Variants in SNTG1 observed in about 807,000 individuals in gnomAD.
SNTG1 encodes the protein gamma-1-syntrophin.
A neutral mutation model predicts 74.7 loss-of-function variants in SNTG1; 39 were observed. The ratio of observed to expected loss-of-function variants is 0.52; its 90% CI spans 0.40 to 0.68. SNTG1 has a LOEUF of 0.68. Ranked by LOEUF, SNTG1 falls within the 30% of genes least tolerant of loss-of-function variation. SNTG1 has a pLI of 0.00. For synonymous variants in SNTG1, 254 were observed against 217.1 expected (o/e 1.17, Z -1.49); for missense variants, 685 against 609.5 (o/e 1.12, Z -1.30).
At chr8:50,733,258 G>C (rs190053439) in intron 17 of SNTG1, among the ~76,000 whole-genome samples, 11 of 152,096 alleles carry the variant, frequency 7.2e-5, no homozygotes, top group African/African-American at 2.6e-4. Context: ...CAAAGGGAAA[G>C]ATTTTATTCT....
chr8:50,559,514 A>T (rs764454089), intron 12 of SNTG1, among the ~76,000 whole-genome samples: 5 of 152,192 alleles, frequency 3.3e-5, no homozygotes, highest in Admixed American at 6.5e-5. Context: ...TAAGATGATG[A>T]TTTATATCCA....
chr8:50,313,782 G>C (rs886151102), intron 2 of SNTG1, among the ~76,000 whole-genome samples: 1 of 149,736 alleles, frequency 6.7e-6, no homozygotes, highest in African/African-American at 2.5e-5. Flanking sequence ...ACAATGTAAA[G>C]AATTGACAGT....
In SNTG1 at chr8:50,598,656, T is replaced by A. The variant is rs184544521; in HGVS notation, c.849+7739T>A. Among the ~76,000 whole-genome samples, 45 of 152,166 alleles carry A rather than the reference T, an allele frequency of 3.0e-4. 1 individual carries two copies. The East Asian group carries it at 7.5e-3, about 25-fold the overall frequency. ...ATAAGGATTTCATTAAATATGTAGA[T>A]GGCTTTGGTTAATATTGACATTTTA... On this transcript the variant is annotated intron_variant, in intron 13 of 18. Transcript: ENST00000642720.
intron 2 of SNTG1, among the ~76,000 whole-genome samples, chr8:50,341,242 A>G (rs528956252): frequency 2.0e-4 from 30 of 152,064 alleles, no homozygotes; most frequent in African/African-American, 7.0e-4. Context: ...TGGAACATTG[A>G]TACATAGTCA....
chr8:49,930,961 A>G (rs188010193), intron 1 of SNTG1, among the ~76,000 whole-genome samples: 55 of 152,344 alleles, frequency 3.6e-4, no homozygotes, highest in African/African-American at 1.2e-3. Context: ...ATGTCACACA[A>G]CAATTAAGAA....
intron 2 of SNTG1, among the ~76,000 whole-genome samples, chr8:50,330,799 G>C (rs1283683453): frequency 6.6e-6 from 1 of 152,088 alleles, no homozygotes; most frequent in African/African-American, 2.4e-5. Context: ...ATGTGGGGAG[G>C]AGGAACTGAC....
intron 13 of SNTG1, among the ~76,000 whole-genome samples, chr8:50,622,118 T>C (rs991639216): frequency 6.6e-6 from 1 of 152,178 alleles, no homozygotes; most frequent in Non-Finnish European, 1.5e-5. Context: ...CCCCAATCTC[T>C]CTGCTTACCC....
At chr8:50,392,549 T>A (rs1007244862) in intron 2 of SNTG1, among the ~76,000 whole-genome samples, 1 of 152,198 alleles carries the variant, frequency 6.6e-6, no homozygotes, top group African/African-American at 2.4e-5. Context: ...GATGTGAAGC[T>A]TTAGCAAGAG....
chr8:50,708,467 G>T (rs2095451536), intron 16 of SNTG1: 1 of 159,894 alleles, frequency 6.3e-6, no homozygotes, highest in Non-Finnish European at 1.4e-5. Flanking sequence ...GATATCCTGA[G>T]AATTCAAGAC....
intron 15 of SNTG1, among the ~76,000 whole-genome samples, chr8:50,701,749 T>TTCG (rs1315895622): frequency 8.4e-6 from 1 of 119,274 alleles, no homozygotes; most frequent in African/African-American, 4.3e-5. Flanking sequence ...TTTCTTCTCC[T>TTCG]TCTTCTCCTT....
intron 4 of SNTG1, among the ~76,000 whole-genome samples, chr8:50,423,269 T>C: frequency 6.6e-6 from 1 of 152,210 alleles, no homozygotes; most frequent in Admixed American, 6.5e-5. Flanking sequence ...TAAATCAGTT[T>C]GTTCTCTGTT....
chr8:50,362,960 C>A (rs1473323734), intron 2 of SNTG1, among the ~76,000 whole-genome samples: 2 of 152,030 alleles, frequency 1.3e-5, no homozygotes, highest in Non-Finnish European at 2.9e-5. Flanking sequence ...AGATGATTGC[C>A]CTGTGGGAAG....
chr8:50,299,786 A>G (rs970181129), intron 2 of SNTG1, among the ~76,000 whole-genome samples: 1 of 152,102 alleles, frequency 6.6e-6, no homozygotes, highest in Admixed American at 6.6e-5. Flanking sequence ...GGCTCAGTAG[A>G]TACGTGTCAC....
At chr8:50,154,586 G>A (rs996625385) in intron 1 of SNTG1, among the ~76,000 whole-genome samples, 11 of 152,128 alleles carry the variant, frequency 7.2e-5, no homozygotes, top group Non-Finnish European at 1.3e-4. Flanking sequence ...CCAGAAATAA[G>A]TCCTGTCGTT....
chr8:50,149,234 GGTT>G (rs1334093574), intron 1 of SNTG1, among the ~76,000 whole-genome samples: 3 of 152,040 alleles, frequency 2.0e-5, no homozygotes, highest in African/African-American at 4.8e-5. Flanking sequence ...TTTTTGATGG[GGTT>G]GTTTGTTTTT....
intron 13 of SNTG1, among the ~76,000 whole-genome samples, chr8:50,627,078 T>A (rs981631449): frequency 2.0e-5 from 3 of 152,156 alleles, no homozygotes; most frequent in Admixed American, 2.0e-4. Flanking sequence ...TTAGCATCAT[T>A]TAATCCTTTT....
At chr8:50,723,955 G>C (rs1189436895) in intron 17 of SNTG1, among the ~76,000 whole-genome samples, 1 of 152,166 alleles carries the variant, frequency 6.6e-6, no homozygotes, top group Admixed American at 6.5e-5. Flanking sequence ...GAGGAAATGA[G>C]AAGTGTTAAA....
At chr8:50,664,183 C>T (rs2095239448) in intron 15 of SNTG1, among the ~76,000 whole-genome samples, 1 of 152,106 alleles carries the variant, frequency 6.6e-6, no homozygotes, top group Non-Finnish European at 1.5e-5. Context: ...TTTAGAAACT[C>T]ATGGCAATTA....
chr8:50,244,698 T>C (rs961858241), intron 2 of SNTG1, among the ~76,000 whole-genome samples: 1 of 152,172 alleles, frequency 6.6e-6, no homozygotes, highest in Non-Finnish European at 1.5e-5. Context: ...AACCTGAATA[T>C]CTACCGCATC....
Sources: allele counts gnomAD v4.1 joint callset (sites outside exome capture counted in the v4.1 genomes callset), GRCh38; gene constraint gnomAD v4.1.1; transcripts MANE v1.5; gene names NCBI Gene and HGNC (gene_info 2026-07-23, HGNC 2026-07-21).